Variants in FAM228B observed in about 807,000 individuals in gnomAD.
The protein encoded by FAM228B is family with sequence similarity 228 member B.
FAM228B carries 38 observed loss-of-function variants against 42.6 expected under a neutral mutation model. The ratio of observed to expected loss-of-function variants is 0.89; its 90% CI spans 0.69 to 1.17. The LOEUF (loss-of-function observed/expected upper bound fraction) is 1.17. Among genes scored for constraint, FAM228B ranks in the 50% most tolerant of loss-of-function variants. The probability of loss-of-function intolerance (pLI) is 0.00; values close to 1 mark genes in which losing one functional copy is unlikely to be tolerated. For missense variants in FAM228B, 344 were observed against 367.3 expected (o/e 0.94, Z 0.52); for synonymous variants, 109 against 122.3 (o/e 0.89, Z 0.72).
chr2:24,092,924 GCACACACACACACACACA>G (rs3030954), intron 2 of FAM228B, among the ~76,000 whole-genome samples: 4 of 133,434 alleles, frequency 3.0e-5, no homozygotes, highest in African/African-American at 1.1e-4. Flanking sequence ...ATGATTTTAT[GCACACACACACACACACA>G]CACACACACA....
chr2:24,128,305 T>G (rs948772080), intron 2 of FAM228B, among the ~76,000 whole-genome samples: 5 of 152,088 alleles, frequency 3.3e-5, no homozygotes, highest in African/African-American at 4.8e-5. Flanking sequence ...CCCAGGCTGG[T>G]CTTGAACTCC....
At chr2:24,165,236 A>T in intron 9 of FAM228B, 1 of 319,086 alleles carries the variant, frequency 3.1e-6, no homozygotes, top group Non-Finnish European at 6.8e-6. Flanking sequence ...CGATGTCTCC[A>T]GCTGACAAGT....
At chr2:24,158,118 T>C (rs1667195975) in intron 7 of FAM228B, among the ~76,000 whole-genome samples, 1 of 149,764 alleles carries the variant, frequency 6.7e-6, no homozygotes, top group Admixed American at 6.7e-5. Flanking sequence ...TACTCTGTAC[T>C]CCAACAATAC....
At chr2:24,166,664 A>T (rs1667422589) in intron 9 of FAM228B, 1 of 151,424 alleles carries the variant, frequency 6.6e-6, no homozygotes, top group Non-Finnish European at 1.5e-5. Flanking sequence ...AACACATAAC[A>T]TCACGTGAGT....
chr2:24,079,431 A>T (rs1387990092), intron 1 of FAM228B: 1 of 1,612,162 alleles, frequency 6.2e-7, no homozygotes, highest in Admixed American at 1.7e-5. Context: ...TTTTCTTTTC[A>T]TTCATCACTC....
upstream of FAM228B, chr2:24,121,135 C>G: frequency 6.2e-7 from 1 of 1,612,478 alleles, no homozygotes; most frequent in Non-Finnish European, 8.5e-7. Context: ...TTCTTTTACT[C>G]AGCTCTCTTC....
intron 3 of FAM228B, among the ~76,000 whole-genome samples, chr2:24,100,811 C>T (rs1665591827): frequency 2.0e-5 from 3 of 152,152 alleles, no homozygotes; most frequent in Middle Eastern, 3.2e-3. Context: ...GACATATGCA[C>T]ACGTATGTTT....
intron 5 of FAM228B, among the ~76,000 whole-genome samples, chr2:24,144,663 C>G (rs1666850857): frequency 6.6e-6 from 1 of 152,200 alleles, no homozygotes; most frequent in Non-Finnish European, 1.5e-5. Flanking sequence ...GTGTGAGCAG[C>G]TGGCAGCAAC....
At chr2:24,159,753 T>G (rs1667245383) in intron 7 of FAM228B, among the ~76,000 whole-genome samples, 1 of 152,190 alleles carries the variant, frequency 6.6e-6, no homozygotes, top group Non-Finnish European at 1.5e-5. Context: ...AATTCAATGT[T>G]TGTTTACCTT....
At chr2:24,138,172 T>G (rs933241749) in intron 4 of FAM228B, 72 bp downstream of exon 4, 6 of 1,203,210 alleles carry the variant, frequency 5.0e-6, no homozygotes, top group Non-Finnish European at 7.0e-6. Flanking sequence ...TTTATAATCA[T>G]TCAGTCAGTC....
chr2:24,141,533 C>T (rs938509730), intron 5 of FAM228B, among the ~76,000 whole-genome samples: 6 of 151,964 alleles, frequency 3.9e-5, no homozygotes, highest in Non-Finnish European at 5.9e-5. Context: ...CTTGAGCCAC[C>T]GCGCCCGGCC....
intron 7 of FAM228B, among the ~76,000 whole-genome samples, chr2:24,155,114 A>G (rs1172468700): frequency 2.6e-5 from 4 of 152,152 alleles, no homozygotes; most frequent in African/African-American, 9.7e-5. Flanking sequence ...TAAGATGATG[A>G]TATTTAGAAT....
At chr2:24,139,249 G>A (rs1666690121) in intron 4 of FAM228B, 121 bp from the exon 5 acceptor site, 1 of 452,818 alleles carries the variant, frequency 2.2e-6, no homozygotes, top group Admixed American at 4.2e-5. Flanking sequence ...TTTTGCATTT[G>A]TCACTGATGC....
At chr2:24,113,313 T>A (rs913597664) in intron 3 of FAM228B, among the ~76,000 whole-genome samples, 1 of 152,178 alleles carries the variant, frequency 6.6e-6, no homozygotes, top group African/African-American at 2.4e-5. Context: ...TGTCTCGCTC[T>A]TGTAATCTCA....
chr2:24,081,056 C>T (rs973638135), intron 2 of FAM228B: 1 of 1,600,076 alleles, frequency 6.2e-7, no homozygotes, highest in Admixed American at 1.7e-5. Context: ...ACAGGGTTCT[C>T]TTTACTTTGC....
rs929369189 is a variant in FAM228B at position 24,151,823 on chromosome 2, G to T, written c.686+4737G>T. Among the ~76,000 whole-genome samples the T allele has an allele frequency of 4.0e-5, 6 of 151,710 alleles. No individual in the cohort carries two copies. In the East Asian group the frequency reaches 7.7e-4, roughly 20 times the overall value. On this transcript the variant is annotated intron_variant, in intron 7 of 10. Transcript: ENST00000615575. Reference sequence around the variant, plus strand: ...TCAGTTCCCTGACTTAGCTGGTATTGCAGGCATGCACCATCACACCTGGCT... The same window carrying T: ...TCAGTTCCCTGACTTAGCTGGTATTTCAGGCATGCACCATCACACCTGGCT...
upstream of FAM228B, chr2:24,123,261 G>GC (rs1319292465): frequency 2.0e-5 from 3 of 152,188 alleles, no homozygotes; most frequent in African/African-American, 7.2e-5. Context: ...GCTCTGTGGT[G>GC]CCCGCAAGGA....
intron 1 of FAM228B, 196 bp from the exon 2 acceptor site, chr2:24,124,134 G>A (rs908261365): frequency 2.5e-6 from 1 of 398,056 alleles, no homozygotes; most frequent in Non-Finnish European, 4.5e-6. Context: ...CTTTCAAAGA[G>A]CATCTCGCCT....
chr2:24,134,987 G>A, intron 2 of FAM228B, 132 bp from the exon 3 acceptor site: 2 of 630,566 alleles, frequency 3.2e-6, no homozygotes, highest in South Asian at 3.9e-5. Context: ...TCGATGATAT[G>A]ATTTGGAGGA....
Sources: allele counts gnomAD v4.1 joint callset (sites outside exome capture counted in the v4.1 genomes callset), GRCh38; gene constraint gnomAD v4.1.1; transcripts MANE v1.5; gene names NCBI Gene and HGNC (gene_info 2026-07-23, HGNC 2026-07-21).